The following LRP1 variants were observed in gnomAD, a reference collection of about 807,000 sequenced individuals.
LRP1 encodes prolow-density lipoprotein receptor-related protein 1.
LRP1 carries 51 observed loss-of-function variants against 541.5 expected under a neutral mutation model. The ratio of observed to expected loss-of-function variants is 0.09; its 90% CI spans 0.08 to 0.12. LRP1 has a LOEUF of 0.12. Among genes scored for constraint, LRP1 ranks in the 10% least tolerant of loss-of-function variants. LRP1 has a pLI of 1.00. For synonymous variants in LRP1, 2,219 were observed against 2,470.8 expected (o/e 0.90, Z 3.02); for missense variants, 3,878 against 6,376.2 (o/e 0.61, Z 13.34).
At chr12:57,157,106 C>A (rs1329225944) in intron 10 of LRP1, among the ~76,000 whole-genome samples, 186 bp downstream of exon 10, 1 of 152,236 alleles carries the variant, frequency 6.6e-6, no homozygotes, top group Non-Finnish European at 1.5e-5. Flanking sequence ...TTTTCTCACT[C>A]ACCCACCGGA....
intron 6 of LRP1, among the ~76,000 whole-genome samples, chr12:57,153,490 T>G (rs960537225): frequency 3.9e-5 from 6 of 152,176 alleles, no homozygotes; most frequent in Non-Finnish European, 7.3e-5. Flanking sequence ...GATTCTTTCA[T>G]GGCCCTCCTC....
rs2035664891 is a variant in LRP1, at chr12:57,158,465, A to G, written c.1625A>G (p.Asp542Gly). Residue 542 changes from aspartate (D) to glycine (G), a missense_variant, in exon 11 of 89, where the codon GAT (aspartate) becomes GGT (glycine). This residue lies in a region of LRP1 where 496 missense variants were observed against 861.0 expected (regional missense o/e 0.58). Transcript: ENST00000243077. The surrounding 1 kb of genome is among the most constrained non-coding windows in gnomAD (Gnocchi z 5.3). ...KGRPGIIRGM[D>G]MGAKVPDEHM... ...CGGCCAGGCATCATCCGGGGCATGGATATGGGGGCCAAGGTCCCGGATGAG... is the reference window on the plus strand; with the variant it reads ...CGGCCAGGCATCATCCGGGGCATGGGTATGGGGGCCAAGGTCCCGGATGAG... 3 of 1,613,986 alleles carry G rather than the reference A, an allele frequency of 1.9e-6. No homozygotes were observed. The highest frequency in any genetic ancestry group is 1.1e-5 in the South Asian group (1 of 91,088).
Position 57,208,139 on chromosome 12 carries a change from G to A in LRP1, c.11961G>A (p.Met3987Ile). The change falls in exon 77 of 89, where the codon ATG becomes ATA. Residue 3987 changes from methionine to isoleucine, a missense_variant. Around this residue, in one of 13 missense-constraint regions of LRP1, gnomAD observed 871 missense variants for 1,212.4 expected, o/e 0.72. Coordinates refer to ENST00000243077, the MANE Select transcript of LRP1 (RefSeq NM_002332.3). ...GAGATGTGATTGAGGTGGCGCAGAT[G>A]AAGGGCGAGAACCGCAAGACGCTCA... is the stretch of plus-strand genomic sequence containing the variant. ...SGRDVIEVAQ[M>I]KGENRKTLIS... 1.2e-6 allele frequency: 2 copies of A among 1,614,218 alleles called. No individual in the cohort carries two copies. The highest frequency in any genetic ancestry group is 1.3e-5 in the African/African-American group (1 of 75,068).
chr12:57,212,637 C>A lies in LRP1; in HGVS notation c.*82C>A. On this transcript the variant is annotated 3_prime_UTR_variant, in exon 89 of 89. Transcript: ENST00000243077. This position sits in a 1 kb window ranked among gnomAD's most constrained non-coding sequence, Gnocchi z 5.0. ...CTTCAGTGAGCCCCTCCCCAGCCAG[C>A]CCTTCCCTGGCCCCGCCGGATGTAT... The A allele has an allele frequency of 7.2e-7, 1 of 1,397,590 alleles. No individual in the cohort carries two copies. Among genetic ancestry groups the A allele is most frequent in the Non-Finnish European group, 9.7e-7 (1 of 1,034,668 alleles). 86.6% of individuals were successfully genotyped at this position (1,397,590 alleles called of 1,614,324 possible).
chr12:57,174,619 A>G (rs1332678121), intron 22 of LRP1, among the ~76,000 whole-genome samples: 4 of 152,198 alleles, frequency 2.6e-5, no homozygotes, highest in Non-Finnish European at 5.9e-5. Flanking sequence ...TGCTAAAAAT[A>G]CAAAAATTAG....
chr12:57,145,848 C>T (rs149084623), intron 6 of LRP1, among the ~76,000 whole-genome samples: 3 of 152,180 alleles, frequency 2.0e-5, no homozygotes, highest in South Asian at 2.1e-4. Context: ...AAAGAAGGAG[C>T]GGAAGCCTGA....
chr12:57,205,817 T>C lies in LRP1; in HGVS notation c.11590+140T>C. 1 of 1,298,142 alleles carries C rather than the reference T, an allele frequency of 7.7e-7. No homozygotes were observed. Among genetic ancestry groups the C allele is most frequent in the Non-Finnish European group, 1.0e-6 (1 of 954,436 alleles). 80.4% of individuals were successfully genotyped at this position (1,298,142 alleles called of 1,614,324 possible). On this transcript the variant is annotated intron_variant, in intron 75 of 88. Coordinates refer to ENST00000243077, the MANE Select transcript of LRP1 (RefSeq NM_002332.3). This position sits in a 1 kb window ranked among gnomAD's most constrained non-coding sequence, Gnocchi z 4.6. ...CCCCAGACTCATAGTTGCAGCTGCC[T>C]GAGCACAGTGCTGGCCCAGCAGTGG...
intron 6 of LRP1, among the ~76,000 whole-genome samples, chr12:57,150,333 A>T (rs548322077): frequency 1.0e-3 from 153 of 151,984 alleles, no homozygotes; most frequent in South Asian, 8.5e-3. Flanking sequence ...CTAGGACTAC[A>T]GGTGCCCGCC....
At position 57,211,710 on chromosome 12, in the gene LRP1, G is replaced by A. The variant is rs1486522506; in HGVS notation, c.13194-40G>A. 6.2e-7 allele frequency: 1 copy of A among 1,609,514 alleles called. No homozygotes were observed. The highest frequency in any genetic ancestry group is 2.2e-5 in the East Asian group (1 of 44,760). Reference sequence around the variant, plus strand: ...CTGTTTTCCTGGCAGCAGTGGCTATGGAGGTTATACCTACTCAGCCGTGTC... The same window carrying A: ...CTGTTTTCCTGGCAGCAGTGGCTATAGAGGTTATACCTACTCAGCCGTGTC... On this transcript the variant is annotated intron_variant, in intron 85 of 88. Coordinates refer to ENST00000243077, the MANE Select transcript of LRP1 (RefSeq NM_002332.3). The surrounding 1 kb of genome is among the most constrained non-coding windows in gnomAD (Gnocchi z 4.3).
chr12:57,187,560 C>T, intron 42 of LRP1, 104 bp downstream of exon 42: 1 of 1,128,372 alleles, frequency 8.9e-7, no homozygotes, highest in South Asian at 1.5e-5. Flanking sequence ...GGCAGGCCCT[C>T]ACTTGAGCTC....
chr12:57,174,339 AC>A (rs1157912280), intron 22 of LRP1, among the ~76,000 whole-genome samples: 2 of 152,176 alleles, frequency 1.3e-5, no homozygotes, highest in African/African-American at 4.8e-5. Context: ...CCCCTTGCCC[AC>A]ATGCATACCA....
Position 57,156,255 on chromosome 12 carries a change from C to T in LRP1, c.1389C>T (p.His463=). Residue 463 remains histidine, a synonymous_variant, in exon 9 of 89, where the codon CAC becomes CAT. Coordinates refer to ENST00000243077, the MANE Select transcript of LRP1 (RefSeq NM_002332.3). This position sits in a 1 kb window ranked among gnomAD's most constrained non-coding sequence, Gnocchi z 5.2. ...VTRVDKGGAL[H]IYHQRRQPRV... is the part of the protein sequence containing the mutation. ...GGGTGGACAAGGGTGGTGCCCTCCA[C>T]ATCTACCACCAGAGGCGTCAGCCCC... The T allele has an allele frequency of 1.9e-6, 3 of 1,614,180 alleles. No individual in the cohort carries two copies. Among genetic ancestry groups the T allele is most frequent in the Non-Finnish European group, 1.7e-6 (2 of 1,180,034 alleles).
intron 62 of LRP1, 103 bp downstream of exon 62, chr12:57,200,128 GT>G: frequency 9.9e-7 from 1 of 1,013,818 alleles, no homozygotes. Flanking sequence ...CATGCATCTG[GT>G]TTTCCCACAC....
chr12:57,207,175 G>A (rs1050216967), intron 76 of LRP1, among the ~76,000 whole-genome samples: 3 of 151,570 alleles, frequency 2.0e-5, no homozygotes, highest in East Asian at 1.9e-4. Context: ...CCCGGGAGGC[G>A]GAGCTTGCAG....
intron 44 of LRP1, among the ~76,000 whole-genome samples, 193 bp from the exon 45 acceptor site, chr12:57,192,652 G>A (rs140119347): frequency 3.0e-4 from 45 of 152,274 alleles, no homozygotes; most frequent in African/African-American, 8.4e-4. Context: ...CACACCTGCC[G>A]AAAACCCCAT....
intron 12 of LRP1, among the ~76,000 whole-genome samples, chr12:57,160,570 C>T (rs951369475): frequency 2.0e-4 from 30 of 152,162 alleles, no homozygotes; most frequent in African/African-American, 7.2e-4. Context: ...CCCCATCACC[C>T]TGCTTTATTT....
Position 57,200,826 on chromosome 12 carries a change from G to GTGC in LRP1, c.10225+11_10225+12insTGC. The GTGC allele has an allele frequency of 6.3e-7, 1 of 1,581,436 alleles. No homozygotes were observed. The highest frequency in any genetic ancestry group is 8.6e-7 in the Non-Finnish European group (1 of 1,157,678). On this transcript the variant is annotated intron_variant, in intron 64 of 88. Coordinates refer to ENST00000243077, the MANE Select transcript of LRP1 (RefSeq NM_002332.3). ...ACGAGGCCAACTGTGGTAAGGCGCT[G>GTGC]CCCGCCCACCCTCCCTCCTTCCCCA...
rs766682074 is a variant in LRP1 at position 57,179,494 on chromosome 12, G to A, written c.4904G>A (p.Arg1635Gln). ...REQRVYWSDVRTQAIKRAFIN... is the reference protein window; with the variant it reads ...REQRVYWSDVQTQAIKRAFIN... ...CAGCGTGTGTACTGGTCTGACGTGC[G>A]GACACAGGCCATCAAGCGGGCCTTC... is the stretch of plus-strand genomic sequence containing the variant. The change falls in exon 29 of 89, where the codon CGG (arginine) becomes CAG (glutamine). Residue 1635 changes from arginine to glutamine, a missense_variant. Physicochemically the swap from Arg to Gln is conservative, Grantham distance 43 (BLOSUM62 1). Coordinates refer to ENST00000243077, the MANE Select transcript of LRP1 (RefSeq NM_002332.3). This position sits in a 1 kb window ranked among gnomAD's most constrained non-coding sequence, Gnocchi z 6.8. The A allele has an allele frequency of 3.1e-6, 5 of 1,614,172 alleles. No homozygotes were observed. Among genetic ancestry groups the A allele is most frequent in the Admixed American group, 3.3e-5 (2 of 60,026 alleles).
In LRP1 at chr12:57,154,558, G is replaced by A. The variant is rs765946865; in HGVS notation, c.1084G>A (p.Val362Ile). Residue 362 changes from valine to isoleucine, a missense_variant, in exon 8 of 89, where the codon GTC becomes ATC. Val to Ile is a conservative substitution (Grantham distance 29). This residue lies in a region of LRP1 where 496 missense variants were observed against 861.0 expected (regional missense o/e 0.58). Coordinates refer to ENST00000243077, the MANE Select transcript of LRP1 (RefSeq NM_002332.3). The surrounding 1 kb of genome is among the most constrained non-coding windows in gnomAD (Gnocchi z 4.6). ...DMDGQNRTKLVDSKIVFPHGI... is the reference protein window; with the variant it reads ...DMDGQNRTKLIDSKIVFPHGI... ...GGATGGGCAGAACCGCACCAAGCTC[G>A]TCGACAGCAAGATTGTGTTTCCTCA... 1.1e-5 allele frequency: 17 copies of A among 1,614,054 alleles called. No individual in the cohort carries two copies. The highest frequency in any genetic ancestry group is 1.7e-5 in the Admixed American group (1 of 60,000).
Sources: gnomAD v4.1 joint callset for allele counts (sites outside exome capture counted in the v4.1 genomes callset) on GRCh38, gnomAD v4.1.1 for gene constraint, gnomAD v4.1.1 regional missense constraint, Gnocchi (gnomAD v3.1) non-coding constraint, MANE v1.5 for transcripts, NCBI Gene and HGNC (gene_info 2026-07-23, HGNC 2026-07-21) for gene names.